Variants in GABRB3 observed in about 807,000 individuals in gnomAD.
GABRB3 encodes gamma-aminobutyric acid type A receptor subunit beta3.
Under a neutral mutation model 52.1 loss-of-function variants are expected in GABRB3, and 14 were observed. The ratio of observed to expected loss-of-function variants is 0.27; its 90% CI spans 0.18 to 0.42. GABRB3 has a LOEUF of 0.42. Ranked by LOEUF, GABRB3 falls within the 10% of genes least tolerant of loss-of-function variation. The pLI is 1.00. For missense variants in GABRB3, 307 were observed against 609.1 expected (o/e 0.50, Z 5.22); for synonymous variants, 260 against 232.3 (o/e 1.12, Z -1.08).
intron 3 of GABRB3, among the ~76,000 whole-genome samples, chr15:26,752,437 G>A (rs1472658539): frequency 6.6e-6 from 1 of 151,670 alleles, no homozygotes; most frequent in African/African-American, 2.4e-5. Flanking sequence ...CTAATTTTTT[G>A]TTTATTTAGT....
intron 3 of GABRB3, among the ~76,000 whole-genome samples, chr15:26,728,589 C>A (rs912894480): frequency 6.6e-6 from 1 of 152,178 alleles, no homozygotes; most frequent in Non-Finnish European, 1.5e-5. Flanking sequence ...ACACAGCACA[C>A]GCTGCCAACA....
chr15:26,581,643 T>G (rs1173157409), intron 5 of GABRB3, among the ~76,000 whole-genome samples: 1 of 152,216 alleles, frequency 6.6e-6, no homozygotes, highest in East Asian at 1.9e-4. Flanking sequence ...CAGACCAGCG[T>G]GCTCTGCCCA....
chr15:26,591,625 G>A (rs1446908896), intron 4 of GABRB3, among the ~76,000 whole-genome samples: 1 of 152,180 alleles, frequency 6.6e-6, no homozygotes. Flanking sequence ...AGGGTGGAAT[G>A]AGAAGTTCTT....
chr15:26,736,535 G>C (rs866213019), intron 3 of GABRB3, among the ~76,000 whole-genome samples: 2 of 152,230 alleles, frequency 1.3e-5, no homozygotes, highest in African/African-American at 2.4e-5. Flanking sequence ...TCAATCCGGA[G>C]TTTGAGGAAA....
At position 26,547,340 on chromosome 15, in the gene GABRB3, G is replaced by C. The variant is rs1760880201; in HGVS notation, c.*453C>G. On this transcript the variant is annotated 3_prime_UTR_variant, in exon 9 of 9. Coordinates refer to ENST00000311550, the MANE Select transcript of GABRB3 (RefSeq NM_000814.6). ...GTATGAGTTTTCAAAGATTAACTAA[G>C]AATGTCTTTCTGATTTTTAAACTAA... 2 of 410,446 alleles carry C rather than the reference G, an allele frequency of 4.9e-6. No individual in the cohort carries two copies. The highest frequency in any genetic ancestry group is 8.6e-6 in the Non-Finnish European group (2 of 232,896). 25.4% of individuals were successfully genotyped at this position (410,446 alleles called of 1,614,324 possible).
At chr15:26,624,881 T>A in intron 3 of GABRB3, 1 of 985,478 alleles carries the variant, frequency 1.0e-6, no homozygotes, top group Non-Finnish European at 1.2e-6. Flanking sequence ...TGCCGCTCCT[T>A]GTGACGTGCA....
At chr15:26,714,217 G>A (rs548062022) in intron 3 of GABRB3, among the ~76,000 whole-genome samples, 5 of 152,154 alleles carry the variant, frequency 3.3e-5, no homozygotes, top group Admixed American at 1.3e-4. Flanking sequence ...CATTGGGGTC[G>A]GTGTGAGGAT....
At chr15:26,605,423 C>A (rs138420892) in intron 4 of GABRB3, among the ~76,000 whole-genome samples, 1 of 152,124 alleles carries the variant, frequency 6.6e-6, no homozygotes, top group East Asian at 1.9e-4. Flanking sequence ...ATACACCCAA[C>A]AGGTGAAAAA....
intron 3 of GABRB3, among the ~76,000 whole-genome samples, chr15:26,691,540 T>A (rs897010638): frequency 6.6e-6 from 1 of 152,082 alleles, no homozygotes; most frequent in African/African-American, 2.4e-5. Context: ...AGGAAGCGAA[T>A]GACCCATGGC....
At chr15:26,586,835 A>T (rs1891011240) in intron 4 of GABRB3, among the ~76,000 whole-genome samples, 1 of 152,186 alleles carries the variant, frequency 6.6e-6, no homozygotes, top group Non-Finnish European at 1.5e-5. Flanking sequence ...TATTTGTGGA[A>T]TTAAAACAAT....
At chr15:26,705,799 G>T (rs1288967332) in intron 3 of GABRB3, among the ~76,000 whole-genome samples, 1 of 152,160 alleles carries the variant, frequency 6.6e-6, no homozygotes, top group Non-Finnish European at 1.5e-5. Context: ...GATGGTGATG[G>T]TTTCCTGGGT....
Position 26,621,343 on chromosome 15 carries a change from G to A in GABRB3, c.432C>T (p.His144=). The A allele has an allele frequency of 1.9e-6, 3 of 1,613,914 alleles. No homozygotes were observed. The highest frequency in any genetic ancestry group is 8.5e-7 in the Non-Finnish European group (1 of 1,180,032). Residue 144 remains histidine (H), a synonymous_variant, in exon 4 of 9, where the codon CAC becomes CAT. Coordinates refer to ENST00000311550, the MANE Select transcript of GABRB3 (RefSeq NM_000814.6). The surrounding 1 kb of genome is among the most constrained non-coding windows in gnomAD (Gnocchi z 4.1). The part of the protein sequence containing the change: ...VTVKNRMIRL[H]PDGTVLYGLR... ...GCCCATACAGCACTGTCCCATCAGG[G>A]TGAAGACGGATCATGCGGTTTTTCA...
At chr15:26,628,961 C>T in intron 3 of GABRB3, 3 of 1,535,926 alleles carry the variant, frequency 2.0e-6, no homozygotes, top group South Asian at 1.2e-5. Context: ...CGAGAGCCCG[C>T]GTCCCCGACT....
chr15:26,594,219 A>G (rs1259591819), intron 4 of GABRB3, among the ~76,000 whole-genome samples: 2 of 151,416 alleles, frequency 1.3e-5, no homozygotes, highest in Non-Finnish European at 2.9e-5. Context: ...ATTTCTGCCA[A>G]TTTATTTTGT....
chr15:26,716,572 C>G, intron 3 of GABRB3: 1 of 992,456 alleles, frequency 1.0e-6, no homozygotes, highest in Non-Finnish European at 1.2e-6. Context: ...ACCAACTTCT[C>G]ACAGCCTGCC....
At chr15:26,691,976 G>A (rs183670963) in intron 3 of GABRB3, among the ~76,000 whole-genome samples, 1 of 152,218 alleles carries the variant, frequency 6.6e-6, no homozygotes, top group African/African-American at 2.4e-5. Flanking sequence ...GTCATGTGTT[G>A]GTTCAAGTGG....
At chr15:26,773,277 C>T (rs1595364418), upstream of GABRB3, among the ~76,000 whole-genome samples, 1 of 150,298 alleles carries the variant, frequency 6.7e-6, no homozygotes, top group African/African-American at 2.4e-5. Flanking sequence ...TCCCCTCCCG[C>T]CTCGGCGGCC....
intron 6 of GABRB3, 104 bp from the exon 7 acceptor site, chr15:26,567,837 G>A (rs1480219581): frequency 4.5e-6 from 5 of 1,108,702 alleles, no homozygotes; most frequent in Admixed American, 1.7e-5. Flanking sequence ...AAAAGTCTGC[G>A]AATAAAGGGG....
intron 3 of GABRB3, among the ~76,000 whole-genome samples, chr15:26,770,303 A>G (rs1313999385): frequency 6.6e-6 from 1 of 152,172 alleles, no homozygotes; most frequent in Non-Finnish European, 1.5e-5. Context: ...AGCCAGAAAA[A>G]TTACTGTCAT....
Sources: gnomAD v4.1 joint callset for allele counts (sites outside exome capture counted in the v4.1 genomes callset) on GRCh38, gnomAD v4.1.1 for gene constraint, Gnocchi (gnomAD v3.1) non-coding constraint, MANE v1.5 for transcripts, NCBI Gene and HGNC (gene_info 2026-07-23, HGNC 2026-07-21) for gene names.